GRID1: variants seen among roughly 807,000 people sequenced by gnomAD.
GRID1 encodes glutamate ionotropic receptor delta type subunit 1, also known as glutamate receptor ionotropic, delta-1.
In GRID1, 28 loss-of-function variants were observed where a neutral mutation model predicts 98.0. That is an observed-to-expected ratio of 0.29 (90% CI 0.21 to 0.39). GRID1 has a LOEUF of 0.39. GRID1 is among the 10% of genes least tolerant of loss of function. GRID1 has a pLI of 1.00. For synonymous variants in GRID1, 553 were observed against 538.5 expected, an observed-to-expected ratio of 1.03 and a Z score of -0.37; for missense variants, 1,111 against 1,340.5, an observed-to-expected ratio of 0.83 and a Z score of 2.67.
intron 2 of GRID1, among the ~76,000 whole-genome samples, chr10:86,208,668 T>C (rs1014070436): frequency 3.9e-5 from 6 of 152,228 alleles, no homozygotes; most frequent in Admixed American, 2.0e-4. Context: ...ATGAGCCACA[T>C]GTTGCCTGTG....
intron 13 of GRID1, among the ~76,000 whole-genome samples, chr10:85,635,726 C>A (rs1346868397): frequency 1.3e-5 from 2 of 152,120 alleles, no homozygotes; most frequent in Non-Finnish European, 2.9e-5. Flanking sequence ...AGGCTGCACT[C>A]TGGGATGCAC....
In GRID1 at chr10:85,723,150, G is replaced by T. The variant is rs759096277; in HGVS notation, c.1859-9C>A. The T allele has an allele frequency of 6.2e-7, 1 of 1,602,352 alleles. No individual in the cohort carries two copies. The highest frequency in any genetic ancestry group is 8.5e-7 in the Non-Finnish European group (1 of 1,173,890). On this transcript the variant is annotated splice_polypyrimidine_tract_variant and intron_variant, in intron 11 of 15. Transcript: ENST00000327946. ...CACGGAAGATTCGCCACCTGCGGGA[G>T]GCAGACAAAGTGGATTGGCCAGTGG...
chr10:86,013,662 C>T (rs1387264071), intron 4 of GRID1, among the ~76,000 whole-genome samples: 1 of 152,196 alleles, frequency 6.6e-6, no homozygotes, highest in Non-Finnish European at 1.5e-5. Flanking sequence ...AGGTCCATAG[C>T]AACTTTCTGT....
chr10:85,907,296 G>C (rs1841476128), intron 5 of GRID1, among the ~76,000 whole-genome samples: 1 of 152,148 alleles, frequency 6.6e-6, no homozygotes, highest in Non-Finnish European at 1.5e-5. Context: ...ATTTCTAGTA[G>C]AGATGGGGTT....
At chr10:86,256,207 C>T (rs905872195) in intron 2 of GRID1, among the ~76,000 whole-genome samples, 11 of 152,198 alleles carry the variant, frequency 7.2e-5, no homozygotes, top group African/African-American at 2.4e-4. Flanking sequence ...TCTTCTTTCC[C>T]CTATTGTCAC....
chr10:86,309,673 G>T (rs143035985), intron 2 of GRID1, among the ~76,000 whole-genome samples: 35 of 152,300 alleles, frequency 2.3e-4, no homozygotes, highest in African/African-American at 7.5e-4. Flanking sequence ...GACTTGAATT[G>T]CTAGCAGTGT....
intron 8 of GRID1, among the ~76,000 whole-genome samples, chr10:85,735,049 G>A (rs1841865273): frequency 6.6e-6 from 1 of 152,178 alleles, no homozygotes; most frequent in Non-Finnish European, 1.5e-5. Context: ...TGGGAAGCCA[G>A]AAAAAGCTTT....
chr10:86,199,897 T>C (rs1357195231), intron 3 of GRID1, among the ~76,000 whole-genome samples: 2 of 151,972 alleles, frequency 1.3e-5, no homozygotes, highest in East Asian at 3.9e-4. Context: ...TGTCTTCAAA[T>C]CTCTGGATGG....
intron 3 of GRID1, among the ~76,000 whole-genome samples, chr10:86,164,723 G>A (rs1845373418): frequency 6.6e-6 from 1 of 152,128 alleles, no homozygotes; most frequent in Non-Finnish European, 1.5e-5. Flanking sequence ...CAACATTCAG[G>A]CAGATGGAAT....
At chr10:85,737,686 TTA>T (rs368871750) in intron 8 of GRID1, among the ~76,000 whole-genome samples, 15,824 of 94,314 alleles carry the variant, frequency 0.17, 2,337 homozygotes, top group African/African-American at 0.38. Context: ...ACATATATGG[TTA>T]TATATATATA....
intron 4 of GRID1, among the ~76,000 whole-genome samples, chr10:86,036,491 C>T (rs111522388): frequency 0.017 from 2,525 of 152,270 alleles, 35 homozygotes; most frequent in Non-Finnish European, 0.027. Flanking sequence ...ATCGCCGTTC[C>T]CCTGTTCACC....
chr10:86,189,062 C>T (rs918415458), intron 3 of GRID1, among the ~76,000 whole-genome samples: 2 of 152,142 alleles, frequency 1.3e-5, no homozygotes, highest in South Asian at 2.1e-4. Context: ...AGCCACTTCC[C>T]TCTGGTTTCC....
intron 8 of GRID1, among the ~76,000 whole-genome samples, chr10:85,821,516 C>CAAAAAAAAAAAAAAAAAAAAAAAAAAA (rs1157209045): frequency 1.1e-4 from 1 of 9,104 alleles, no homozygotes; most frequent in Non-Finnish European, 2.7e-4. Context: ...GACTTCATCT[C>CAAAAAAAAAAAAAAAAAAAAAAAAAAA]AAAAAAAAAA....
intron 4 of GRID1, among the ~76,000 whole-genome samples, chr10:86,007,405 C>T (rs1019215296): frequency 2.0e-5 from 3 of 152,166 alleles, no homozygotes; most frequent in Non-Finnish European, 1.5e-5. Context: ...TCCGCACCCC[C>T]CCACCTCCAA....
chr10:85,856,625 GT>G (rs1432182443), intron 6 of GRID1, among the ~76,000 whole-genome samples: 1 of 152,190 alleles, frequency 6.6e-6, no homozygotes, highest in African/African-American at 2.4e-5. Context: ...GTCCACCAGA[GT>G]TTTTTGTAAA....
intron 4 of GRID1, among the ~76,000 whole-genome samples, chr10:85,952,313 C>T (rs1842136124): frequency 6.6e-6 from 1 of 152,206 alleles, no homozygotes; most frequent in South Asian, 2.1e-4. Context: ...ATCTTCAAAA[C>T]AATTCATAGA....
At chr10:85,669,082 TC>T (rs1841055858) in intron 12 of GRID1, among the ~76,000 whole-genome samples, 1 of 152,224 alleles carries the variant, frequency 6.6e-6, no homozygotes. Flanking sequence ...ATCACAGGGT[TC>T]CCCATTCTAG....
At chr10:85,939,843 A>C (rs1197929027) in intron 4 of GRID1, among the ~76,000 whole-genome samples, 1 of 152,136 alleles carries the variant, frequency 6.6e-6, no homozygotes, top group Non-Finnish European at 1.5e-5. Flanking sequence ...AAGTGGGAGA[A>C]TCACCTGAGG....
intron 8 of GRID1, among the ~76,000 whole-genome samples, chr10:85,845,162 A>G (rs1004467374): frequency 6.6e-6 from 1 of 152,114 alleles, no homozygotes; most frequent in East Asian, 1.9e-4. Context: ...TATTAGTCAT[A>G]GATGACATGA....
Sources: allele counts gnomAD v4.1 joint callset (sites outside exome capture counted in the v4.1 genomes callset), GRCh38; gene constraint gnomAD v4.1.1; transcripts MANE v1.5; gene names NCBI Gene and HGNC (gene_info 2026-07-23, HGNC 2026-07-21).